The following AKT3 variants were observed in gnomAD, a reference collection of about 807,000 sequenced individuals.
AKT3 encodes AKT serine/threonine kinase 3, also known as RAC-gamma serine/threonine-protein kinase.
AKT3 carries 15 observed loss-of-function variants against 65.3 expected under a neutral mutation model. The observed-to-expected ratio is 0.23, with a 90% CI of 0.15 to 0.35. The LOEUF is 0.35. AKT3 is among the 10% of genes least tolerant of loss of function. AKT3 has a pLI of 1.00. For missense variants in AKT3, 243 were observed against 576.5 expected, an observed-to-expected ratio of 0.42 and a Z score of 5.92; for synonymous variants, 206 against 183.8, an observed-to-expected ratio of 1.12 and a Z score of -0.98.
chr1:243,660,709 A>C (rs1404014415), intron 4 of AKT3, among the ~76,000 whole-genome samples: 1 of 152,186 alleles, frequency 6.6e-6, no homozygotes, highest in Non-Finnish European at 1.5e-5. Flanking sequence ...AGTTGTGGCC[A>C]GGGCAATTAG....
At chr1:243,842,210 T>C (rs1054326024) in intron 2 of AKT3, among the ~76,000 whole-genome samples, 1 of 152,148 alleles carries the variant, frequency 6.6e-6, no homozygotes, top group Non-Finnish European at 1.5e-5. Flanking sequence ...CATTTAACTA[T>C]GACAACAGCT....
chr1:243,770,010 T>C (rs1690075280), intron 2 of AKT3, among the ~76,000 whole-genome samples: 1 of 152,216 alleles, frequency 6.6e-6, no homozygotes, highest in African/African-American at 2.4e-5. Context: ...GGAGTCCAAA[T>C]TCATTCTTTT....
intron 13 of AKT3, among the ~76,000 whole-genome samples, chr1:243,510,211 C>T (rs1379504328): frequency 6.6e-6 from 1 of 152,134 alleles, no homozygotes; most frequent in African/African-American, 2.4e-5. Context: ...GGGAGGCAAG[C>T]CTGGGTGTCC....
chr1:243,595,463 C>T (rs1571999792), intron 8 of AKT3, among the ~76,000 whole-genome samples: 1 of 151,998 alleles, frequency 6.6e-6, no homozygotes, highest in African/African-American at 2.4e-5. Flanking sequence ...ATGAGTTAAC[C>T]TTTGCTTTCT....
chr1:243,788,436 G>A (rs528857081), intron 2 of AKT3, among the ~76,000 whole-genome samples: 6 of 151,164 alleles, frequency 4.0e-5, no homozygotes, highest in Non-Finnish European at 8.8e-5. Flanking sequence ...GGGTATTCGT[G>A]GGGGGGACTG....
intron 8 of AKT3, among the ~76,000 whole-genome samples, chr1:243,586,516 T>C (rs938414064): frequency 6.6e-6 from 1 of 152,136 alleles, no homozygotes; most frequent in Non-Finnish European, 1.5e-5. Context: ...GTGGTGTATA[T>C]ATATATATGC....
chr1:243,716,532 A>C (rs913991020), intron 2 of AKT3, among the ~76,000 whole-genome samples: 1 of 152,222 alleles, frequency 6.6e-6, no homozygotes, highest in Non-Finnish European at 1.5e-5. Flanking sequence ...CTAATCCAAG[A>C]CTTTGGGATG....
At chr1:243,512,292 A>G (rs1670064935) in intron 13 of AKT3, 32 bp downstream of exon 13, 1 of 1,193,570 alleles carries the variant, frequency 8.4e-7, no homozygotes, top group Non-Finnish European at 1.2e-6. Flanking sequence ...ATTATATTAG[A>G]AATTTATCAA....
At chr1:243,704,029 T>C (rs1318726191) in intron 2 of AKT3, among the ~76,000 whole-genome samples, 1 of 152,074 alleles carries the variant, frequency 6.6e-6, no homozygotes, top group Non-Finnish European at 1.5e-5. Flanking sequence ...AACTGAAAAG[T>C]GTTAAATTCT....
chr1:243,680,965 A>G (rs141068011), intron 3 of AKT3, among the ~76,000 whole-genome samples: 75 of 152,280 alleles, frequency 4.9e-4, no homozygotes, highest in Middle Eastern at 6.8e-3. Flanking sequence ...TGGAAAACCC[A>G]TATCTTCTGA....
At chr1:243,784,907 T>G (rs1691150571) in intron 2 of AKT3, among the ~76,000 whole-genome samples, 1 of 150,964 alleles carries the variant, frequency 6.6e-6, no homozygotes. Context: ...ACTACAGGAG[T>G]GCACCACCAC....
intron 6 of AKT3, among the ~76,000 whole-genome samples, chr1:243,626,298 T>A (rs182874708): frequency 2.0e-5 from 3 of 152,220 alleles, no homozygotes; most frequent in African/African-American, 7.2e-5. Flanking sequence ...GGATGAAGTT[T>A]TAAACGGTTA....
At chr1:243,734,014 G>A (rs1348411954) in intron 2 of AKT3, among the ~76,000 whole-genome samples, 2 of 152,082 alleles carry the variant, frequency 1.3e-5, no homozygotes, top group African/African-American at 4.8e-5. Flanking sequence ...AAATCCAAAA[G>A]TCAAATATGG....
intron 2 of AKT3, among the ~76,000 whole-genome samples, chr1:243,710,899 CAA>C (rs1686103670): frequency 6.6e-6 from 1 of 152,140 alleles, no homozygotes; most frequent in African/African-American, 2.4e-5. Flanking sequence ...CTAGGTGTTC[CAA>C]AGTCTCATTT....
In AKT3 at chr1:243,850,102, C is replaced by T. The variant is rs1695704616; in HGVS notation, c.-175G>A. On this transcript the variant is annotated 5_prime_UTR_variant, in exon 1 of 14. Transcript: ENST00000673466. ...GCTCGGGCGGCGGCGGAGGATGGAG[C>T]CGGGGGGGGGCGGGGGGAGGAGAGG... 1 of 106,648 alleles carries T rather than the reference C, an allele frequency of 9.4e-6. No homozygotes were observed. Among genetic ancestry groups the T allele is most frequent in the African/African-American group, 3.5e-5 (1 of 28,296 alleles). The allele number at this position is 106,648 out of a possible 1,614,324, so 6.6% of individuals were successfully genotyped here.
rs142871823 is a variant in AKT3, at chr1:243,557,773, A to G, written c.949-4830T>C. ...AATGTTCCCTTTAATCATGGTGATG[A>G]GACCTTTTCTGAATTCCCAGGAAGA... is the stretch of plus-strand genomic sequence containing the variant. On this transcript the variant is annotated intron_variant, in intron 10 of 13. Transcript: ENST00000673466. Among the ~76,000 whole-genome samples the G allele has an allele frequency of 4.8e-3, 726 of 152,154 alleles. 6 individuals are homozygous for G. The highest frequency in any genetic ancestry group is 0.017 in the African/African-American group (702 of 41,540).
intron 8 of AKT3, among the ~76,000 whole-genome samples, chr1:243,587,971 G>C (rs1055423782): frequency 6.6e-6 from 1 of 152,150 alleles, no homozygotes; most frequent in Admixed American, 6.5e-5. Flanking sequence ...TACTGGACAA[G>C]AGGAAGTGCA....
chr1:243,515,475 GT>G (rs1202568445), intron 12 of AKT3, among the ~76,000 whole-genome samples: 1 of 150,612 alleles, frequency 6.6e-6, no homozygotes, highest in African/African-American at 2.4e-5. Flanking sequence ...ATTTTTCTTA[GT>G]TTTTTCTTTG....
chr1:243,673,006 C>A (rs1002581689), intron 3 of AKT3, among the ~76,000 whole-genome samples: 1 of 152,176 alleles, frequency 6.6e-6, no homozygotes, highest in Non-Finnish European at 1.5e-5. Context: ...AAGAGGCATG[C>A]AAACATCTAG....
Sources: gnomAD v4.1 joint callset for allele counts (sites outside exome capture counted in the v4.1 genomes callset) on GRCh38, gnomAD v4.1.1 for gene constraint, MANE v1.5 for transcripts, NCBI Gene and HGNC (gene_info 2026-07-23, HGNC 2026-07-21) for gene names.